Variants in UNC13C observed in about 807,000 individuals in gnomAD.
The protein encoded by UNC13C is unc-13 homolog C.
Under a neutral mutation model 245.4 loss-of-function variants are expected in UNC13C, and 174 were observed. The ratio of observed to expected loss-of-function variants is 0.71; its 90% CI spans 0.63 to 0.80. UNC13C has a LOEUF of 0.80. Ranked by LOEUF, UNC13C falls within the 30% of genes least tolerant of loss-of-function variation. UNC13C has a pLI of 0.00. For synonymous variants in UNC13C, 992 were observed against 895.1 expected (o/e 1.11, Z -1.93); for missense variants, 2,829 against 2,602.9 (o/e 1.09, Z -1.89).
At chr15:54,159,256 C>G (rs2141263857) in intron 4 of UNC13C, among the ~76,000 whole-genome samples, 1 of 152,324 alleles carries the variant, frequency 6.6e-6, no homozygotes, top group South Asian at 2.1e-4. Context: ...CGAAGTTTCA[C>G]TAGCATTCAA....
At chr15:54,274,101 T>C (rs1049600036) in intron 10 of UNC13C, among the ~76,000 whole-genome samples, 4 of 152,140 alleles carry the variant, frequency 2.6e-5, no homozygotes, top group Non-Finnish European at 4.4e-5. Context: ...GGAGTGGAGA[T>C]GATGCTGAGG....
At chr15:54,397,907 G>A (rs2040104356) in intron 18 of UNC13C, among the ~76,000 whole-genome samples, 1 of 150,764 alleles carries the variant, frequency 6.6e-6, no homozygotes, top group African/African-American at 2.4e-5. Flanking sequence ...AATAAATATG[G>A]TTTTACTTAT....
At chr15:54,238,162 C>T (rs1251755666) in intron 7 of UNC13C, among the ~76,000 whole-genome samples, 3 of 150,538 alleles carry the variant, frequency 2.0e-5, no homozygotes, top group Non-Finnish European at 4.4e-5. Context: ...GCAACCTCCA[C>T]CTCCTGGGTT....
chr15:54,022,738 A>G (rs1895953943), intron 2 of UNC13C, among the ~76,000 whole-genome samples: 1 of 152,208 alleles, frequency 6.6e-6, no homozygotes, highest in Admixed American at 6.5e-5. Flanking sequence ...TTGGCTATGC[A>G]GAAGCTTTTT....
intron 18 of UNC13C, among the ~76,000 whole-genome samples, chr15:54,409,270 T>TATTAG (rs1394473093): frequency 6.6e-6 from 1 of 151,772 alleles, no homozygotes; most frequent in Non-Finnish European, 1.5e-5. Context: ...ATGTTAATAA[T>TATTAG]ATGTTCCTTT....
chr15:54,456,259 T>C (rs1310536622), intron 19 of UNC13C, among the ~76,000 whole-genome samples: 3 of 152,206 alleles, frequency 2.0e-5, no homozygotes, highest in Non-Finnish European at 4.4e-5. Flanking sequence ...TATAGACTTG[T>C]AGTATAGTTT....
chr15:54,405,629 GC>G (rs972258924), intron 18 of UNC13C, among the ~76,000 whole-genome samples: 11 of 152,022 alleles, frequency 7.2e-5, no homozygotes, highest in Non-Finnish European at 1.2e-4. Context: ...TTATTTTGTG[GC>G]CCCTTAAAAA....
In UNC13C at chr15:54,014,721, G is replaced by A. The variant is rs1895560273; in HGVS notation, c.1818G>A (p.Leu606=). Residue 606 remains leucine, a synonymous_variant, in exon 2 of 33, where the codon TTG becomes TTA. Transcript: ENST00000260323. ...TLYDSPKDQH[L]NGGVQGIQGQ... ...ATGACAGTCCCAAGGACCAGCATTT[G>A]AATGGAGGTGTTCAGGGTATCCAAG... The A allele has an allele frequency of 1.2e-6, 2 of 1,613,870 alleles. No homozygotes were observed.
intron 4 of UNC13C, among the ~76,000 whole-genome samples, chr15:54,192,829 G>C (rs2034230648): frequency 6.6e-6 from 1 of 151,792 alleles, no homozygotes; most frequent in South Asian, 2.1e-4. Context: ...ACAGACAATA[G>C]TTTTTATCTA....
At chr15:54,034,616 T>G (rs190987688) in intron 2 of UNC13C, among the ~76,000 whole-genome samples, 31 of 152,370 alleles carry the variant, frequency 2.0e-4, no homozygotes, top group African/African-American at 7.2e-4. Context: ...TGTGAAATTC[T>G]TAGTGTATTT....
intron 2 of UNC13C, among the ~76,000 whole-genome samples, chr15:54,047,041 T>C (rs1219328368): frequency 6.6e-6 from 1 of 151,950 alleles, no homozygotes; most frequent in Non-Finnish European, 1.5e-5. Context: ...CAAAAATGGG[T>C]TCACATAAGA....
At chr15:54,228,085 T>C (rs531023139) in intron 4 of UNC13C, among the ~76,000 whole-genome samples, 23 of 152,182 alleles carry the variant, frequency 1.5e-4, no homozygotes, top group Non-Finnish European at 2.8e-4. Context: ...CTACTCACTT[T>C]CCATCTCCTT....
Position 54,013,240 on chromosome 15 carries a change from A to T in UNC13C, c.337A>T (p.Asn113Tyr). 1 of 1,613,756 alleles carries T rather than the reference A, an allele frequency of 6.2e-7. No individual in the cohort carries two copies. The highest frequency in any genetic ancestry group is 2.2e-5 in the East Asian group (1 of 44,868). The change falls in exon 2 of 33, where the codon AAT (asparagine) becomes TAT (tyrosine). Residue 113 changes from asparagine to tyrosine, a missense_variant. Coordinates refer to ENST00000260323, the MANE Select transcript of UNC13C (RefSeq NM_001080534.3). The part of the protein sequence containing the change: ...QKNAKVTNSD[N>Y]EDLLQELSSI... ...GAATGCTAAAGTAACCAACAGTGAT[A>T]ATGAGGATCTGCTTCAAGAGCTCTC...
chr15:54,043,211 A>T (rs1254586729), intron 2 of UNC13C, among the ~76,000 whole-genome samples: 1 of 152,190 alleles, frequency 6.6e-6, no homozygotes, highest in Non-Finnish European at 1.5e-5. Flanking sequence ...ATTTTAATGC[A>T]TTTATGCAAT....
Position 54,627,167 on chromosome 15 carries a change from T to C in UNC13C, c.*54T>C, listed in dbSNP as rs1901229879. On this transcript the variant is annotated 3_prime_UTR_variant, in exon 33 of 33. Transcript: ENST00000260323. ...TATAATTGTTTGACTACTGCATGCATGTGCAAATACATGGGAATGTTTAGT... is the reference window on the plus strand; with the variant it reads ...TATAATTGTTTGACTACTGCATGCACGTGCAAATACATGGGAATGTTTAGT... 37 of 1,500,898 alleles carry C rather than the reference T, an allele frequency of 2.5e-5. No individual in the cohort carries two copies. In the South Asian group the frequency reaches 2.6e-4, roughly 10 times the overall value. The allele number at this position is 1,500,898 out of a possible 1,614,324, so 93.0% of individuals were successfully genotyped here.
At chr15:54,194,819 T>C (rs555425813) in intron 4 of UNC13C, among the ~76,000 whole-genome samples, 3 of 152,210 alleles carry the variant, frequency 2.0e-5, no homozygotes, top group South Asian at 2.1e-4. Context: ...GCTTCTGATA[T>C]TAGGTACAAA....
At chr15:54,048,576 A>G in intron 2 of UNC13C, 1 of 422,378 alleles carries the variant, frequency 2.4e-6, no homozygotes, top group Admixed American at 3.1e-5. Flanking sequence ...GATGTACTGA[A>G]ACTTATCAAT....
At chr15:54,618,563 A>T (rs1900590995) in intron 30 of UNC13C, among the ~76,000 whole-genome samples, 1 of 68,412 alleles carries the variant, frequency 1.5e-5, no homozygotes, top group Non-Finnish European at 2.6e-5. Context: ...CAATTGAGAT[A>T]TCCTGTGTTC....
At chr15:53,841,643 A>G in the UNC13C span, among the ~76,000 whole-genome samples, 17 of 152,204 alleles carry the variant, frequency 1.1e-4, no homozygotes, top group Admixed American at 1.1e-3. Context: ...AAGGTAGCTG[A>G]GGAATAGAAA....
Sources: gnomAD v4.1 joint callset for allele counts (sites outside exome capture counted in the v4.1 genomes callset) on GRCh38, gnomAD v4.1.1 for gene constraint, MANE v1.5 for transcripts, NCBI Gene and HGNC (gene_info 2026-07-23, HGNC 2026-07-21) for gene names.